DPY19L1: variants seen among roughly 807,000 people sequenced by gnomAD.
The protein encoded by DPY19L1 is protein C-mannosyl-transferase DPY19L1.
DPY19L1 carries 35 observed loss-of-function variants against 96.9 expected under a neutral mutation model. The ratio of observed to expected loss-of-function variants is 0.36; its 90% confidence interval spans 0.28 to 0.48. The LOEUF is 0.48. Ranked by LOEUF, DPY19L1 falls within the 20% of genes least tolerant of loss-of-function variation. The probability of loss-of-function intolerance (pLI) is 0.99; values close to 1 mark genes in which losing one functional copy is unlikely to be tolerated. For missense variants in DPY19L1, 521 were observed against 777.9 expected (o/e 0.67, Z 3.93); for synonymous variants, 205 against 252.6 (o/e 0.81, Z 1.79).
At chr7:35,004,229 C>CAG (rs1267234563) in intron 6 of DPY19L1, among the ~76,000 whole-genome samples, 9 of 152,220 alleles carry the variant, frequency 5.9e-5, no homozygotes. Context: ...CTCAGCTGCG[C>CAG]TCCTGACAGC....
At chr7:34,967,063 A>T in intron 9 of DPY19L1, 92 bp from the exon 10 acceptor site, 1 of 917,040 alleles carries the variant, frequency 1.1e-6, no homozygotes, top group Non-Finnish European at 1.5e-6. Context: ...ACTGATTTAT[A>T]TCTACACACA....
At chr7:34,990,240 T>A (rs1383852326) in intron 6 of DPY19L1, among the ~76,000 whole-genome samples, 1 of 152,196 alleles carries the variant, frequency 6.6e-6, no homozygotes, top group Non-Finnish European at 1.5e-5. Flanking sequence ...TCACGCAACC[T>A]GATATTTCTT....
At chr7:34,996,595 A>G (rs1208834744) in intron 6 of DPY19L1, among the ~76,000 whole-genome samples, 5 of 151,900 alleles carry the variant, frequency 3.3e-5, no homozygotes. Flanking sequence ...CTGGGCTGCT[A>G]CAGCCTCCGA....
chr7:35,024,348 G>C (rs1448010518), intron 1 of DPY19L1, among the ~76,000 whole-genome samples: 2 of 152,152 alleles, frequency 1.3e-5, no homozygotes, highest in Admixed American at 1.3e-4. Context: ...AATCAAGCTT[G>C]ACAAGTTCTA....
At chr7:35,032,555 G>A (rs1339502560) in intron 1 of DPY19L1, among the ~76,000 whole-genome samples, 2 of 152,080 alleles carry the variant, frequency 1.3e-5, no homozygotes, top group East Asian at 3.9e-4. Context: ...CCATTAATGT[G>A]AAAACCACCT....
chr7:34,939,252 GA>G (rs1274231276), intron 20 of DPY19L1, 23 bp downstream of exon 20: 1 of 1,593,046 alleles, frequency 6.3e-7, no homozygotes, highest in African/African-American at 1.4e-5. Context: ...GGTTTGTTTT[GA>G]TGATGCAAGA....
At chr7:35,007,878 T>C (rs758093347) in intron 6 of DPY19L1, among the ~76,000 whole-genome samples, 5 of 152,084 alleles carry the variant, frequency 3.3e-5, no homozygotes, top group Non-Finnish European at 5.9e-5. Context: ...CCTGTTCTTA[T>C]ACTGGTCAAT....
intron 18 of DPY19L1, 44 bp from the exon 19 acceptor site, chr7:34,940,371 A>T: frequency 6.5e-7 from 1 of 1,538,756 alleles, no homozygotes; most frequent in South Asian, 1.3e-5. Flanking sequence ...TAGTATAAGT[A>T]GTATGCATCT....
At chr7:35,038,006 G>T, upstream of DPY19L1, 1 of 974,474 alleles carries the variant, frequency 1.0e-6, no homozygotes, top group Non-Finnish European at 1.3e-6. Flanking sequence ...AGACGCGGCG[G>T]GGCAGGGAGA....
intron 7 of DPY19L1, chr7:34,988,198 C>G (rs181986151): frequency 6.6e-5 from 10 of 152,206 alleles, no homozygotes; most frequent in Admixed American, 5.9e-4. Context: ...GAGGGTAGCA[C>G]GATAGACCTT....
intron 6 of DPY19L1, among the ~76,000 whole-genome samples, chr7:34,994,601 C>T (rs1210765015): frequency 6.6e-6 from 1 of 151,922 alleles, no homozygotes; most frequent in Non-Finnish European, 1.5e-5. Context: ...GTCAGGAGAT[C>T]GAGACCATCC....
intron 18 of DPY19L1, among the ~76,000 whole-genome samples, chr7:34,941,176 C>CGTCTAAG (rs1407944439): frequency 2.0e-5 from 3 of 152,064 alleles, no homozygotes; most frequent in African/African-American, 7.2e-5. Flanking sequence ...CTATCTGCTA[C>CGTCTAAG]GTCTAAGGGA....
chr7:34,996,084 A>G (rs553369536), intron 6 of DPY19L1, among the ~76,000 whole-genome samples: 26 of 152,332 alleles, frequency 1.7e-4, no homozygotes, highest in African/African-American at 6.3e-4. Context: ...CTATCTGCCG[A>G]TTCTAACTGA....
chr7:34,980,615 TA>T (rs1041192958), intron 7 of DPY19L1, among the ~76,000 whole-genome samples: 4 of 152,144 alleles, frequency 2.6e-5, no homozygotes, highest in Non-Finnish European at 5.9e-5. Flanking sequence ...ATAACCCAAA[TA>T]TTTTTTAATG....
At chr7:35,018,797 T>C (rs554674798) in intron 1 of DPY19L1, among the ~76,000 whole-genome samples, 2 of 152,244 alleles carry the variant, frequency 1.3e-5, no homozygotes, top group South Asian at 4.1e-4. Context: ...CCATTTTCAC[T>C]CACTCACTCA....
intron 6 of DPY19L1, among the ~76,000 whole-genome samples, chr7:34,991,030 G>A (rs1441094791): frequency 1.3e-5 from 2 of 152,346 alleles, no homozygotes; most frequent in East Asian, 3.9e-4. Context: ...GTAGGGCTGG[G>A]ACCCCAGCAC....
chr7:35,009,216 A>C (rs1463916424), intron 6 of DPY19L1, among the ~76,000 whole-genome samples: 1 of 152,234 alleles, frequency 6.6e-6, no homozygotes, highest in Admixed American at 6.5e-5. Context: ...CACATCTTTG[A>C]GGTACTAAAC....
At chr7:35,033,117 G>C (rs1464389054) in intron 1 of DPY19L1, among the ~76,000 whole-genome samples, 1 of 152,152 alleles carries the variant, frequency 6.6e-6, no homozygotes, top group Non-Finnish European at 1.5e-5. Context: ...TCCTTTTCAA[G>C]ATCTGGCCCA....
chr7:34,955,480 T>A (rs1412817101), intron 11 of DPY19L1, 113 bp from the exon 12 acceptor site: 1 of 1,373,392 alleles, frequency 7.3e-7, no homozygotes, highest in Non-Finnish European at 9.9e-7. Context: ...ATTTAGCACA[T>A]GGTTGACTTT....
Sources: gnomAD v4.1 joint callset for allele counts (sites outside exome capture counted in the v4.1 genomes callset) on GRCh38, gnomAD v4.1.1 for gene constraint, MANE v1.5 for transcripts, NCBI Gene and HGNC (gene_info 2026-07-23, HGNC 2026-07-21) for gene names.